HOOK3: variants seen among roughly 807,000 people sequenced by gnomAD.
HOOK3 encodes protein Hook homolog 3.
Under a neutral mutation model 116.3 loss-of-function variants are expected in HOOK3, and 24 were observed. That is an observed-to-expected ratio of 0.21 (90% CI 0.15 to 0.29). The LOEUF (loss-of-function observed/expected upper bound fraction) is 0.29. HOOK3 is among the 10% of genes least tolerant of loss of function. The probability of loss-of-function intolerance (pLI) is 1.00; values close to 1 mark genes in which losing one functional copy is unlikely to be tolerated. For missense variants in HOOK3, 632 were observed against 830.2 expected, an observed-to-expected ratio of 0.76 and a Z score of 2.93; for synonymous variants, 275 against 283.0, an observed-to-expected ratio of 0.97 and a Z score of 0.28.
intron 15 of HOOK3, 67 bp downstream of exon 15, chr8:42,986,862 TAAAC>T: frequency 6.6e-7 from 1 of 1,523,156 alleles, no homozygotes; most frequent in Non-Finnish European, 9.0e-7. Context: ...CTGAATCCCT[TAAAC>T]AAAGAACTGG....
chr8:42,992,399 C>CG (rs1809181711), intron 15 of HOOK3, among the ~76,000 whole-genome samples: 1 of 38,938 alleles, frequency 2.6e-5, no homozygotes, highest in African/African-American at 1.0e-4. Context: ...GACTCTGTCT[C>CG]AAAAAAAAAA....
At chr8:42,945,541 C>T (rs1025435690) in intron 5 of HOOK3, among the ~76,000 whole-genome samples, 1 of 152,160 alleles carries the variant, frequency 6.6e-6, no homozygotes, top group Non-Finnish European at 1.5e-5. Flanking sequence ...AAACTCCTGA[C>T]CTCAAGTGAT....
rs929104121 is a variant in HOOK3 at position 43,023,652 on chromosome 8, G to T, written c.*5154G>T. ...ATTTTTACAAAATACAAAGAGACGGGGTTTCACCATGTTGGCCAGGCTGGT... is the reference window on the plus strand; with the variant it reads ...ATTTTTACAAAATACAAAGAGACGGTGTTTCACCATGTTGGCCAGGCTGGT... On this transcript the variant is annotated 3_prime_UTR_variant, in exon 22 of 22. Coordinates refer to ENST00000307602, the MANE Select transcript of HOOK3 (RefSeq NM_032410.4). 5.7e-6 allele frequency: 1 copy of T among 175,204 alleles called. No homozygotes were observed. The highest frequency in any genetic ancestry group is 6.3e-5 in the Admixed American group (1 of 15,750). The allele number at this position is 175,204 out of a possible 1,614,324, so 10.9% of individuals were successfully genotyped here.
intron 6 of HOOK3, among the ~76,000 whole-genome samples, chr8:42,951,217 C>A (rs566546393): frequency 1.3e-5 from 2 of 152,080 alleles, no homozygotes; most frequent in South Asian, 4.1e-4. Context: ...CATGCCACCA[C>A]GCCTGGCTAG....
At chr8:42,897,814 A>C (rs1807061480) in intron 1 of HOOK3, among the ~76,000 whole-genome samples, 1 of 152,194 alleles carries the variant, frequency 6.6e-6, no homozygotes, top group Non-Finnish European at 1.5e-5. Flanking sequence ...TCATACTTTG[A>C]AGTAAATACA....
intron 2 of HOOK3, among the ~76,000 whole-genome samples, chr8:42,911,066 G>A (rs1027003489): frequency 4.6e-5 from 7 of 152,164 alleles, no homozygotes; most frequent in African/African-American, 1.4e-4. Flanking sequence ...GGAAAGGTGC[G>A]AGTGGTTACT....
In HOOK3 at chr8:43,027,628, C is replaced by T. The variant is rs769823020; in HGVS notation, c.*9130C>T. The T allele has an allele frequency of 2.7e-5, 6 of 225,814 alleles. No individual in the cohort carries two copies. Among genetic ancestry groups the T allele is most frequent in the African/African-American group, 4.5e-5 (2 of 44,226 alleles). The allele number at this position is 225,814 out of a possible 1,614,324, so 14.0% of individuals were successfully genotyped here. On this transcript the variant is annotated 3_prime_UTR_variant, in exon 22 of 22. Coordinates refer to ENST00000307602, the MANE Select transcript of HOOK3 (RefSeq NM_032410.4). ...AAAAGTGAAACATAACACATAAGGACGAAATACAATGTTCTGAATATCTTC... is the reference window on the plus strand; with the variant it reads ...AAAAGTGAAACATAACACATAAGGATGAAATACAATGTTCTGAATATCTTC...
At chr8:42,927,095 A>T (rs898035565) in intron 3 of HOOK3, among the ~76,000 whole-genome samples, 1 of 152,222 alleles carries the variant, frequency 6.6e-6, no homozygotes, top group Non-Finnish European at 1.5e-5. Flanking sequence ...CCTGAACTTA[A>T]GACATGTTCA....
intron 1 of HOOK3, among the ~76,000 whole-genome samples, chr8:42,899,738 G>A (rs902915869): frequency 4.3e-4 from 65 of 152,314 alleles, no homozygotes; most frequent in Non-Finnish European, 5.7e-4. Flanking sequence ...CAGTAAGCTA[G>A]AAGGTGACTG....
intron 15 of HOOK3, among the ~76,000 whole-genome samples, chr8:42,993,683 T>C (rs1281629434): frequency 3.9e-5 from 6 of 152,174 alleles, no homozygotes; most frequent in Non-Finnish European, 8.8e-5. Flanking sequence ...TCTCATTACT[T>C]GCTATTGGTC....
chr8:43,004,122 CT>C (rs1399234549), intron 17 of HOOK3, among the ~76,000 whole-genome samples: 1 of 152,074 alleles, frequency 6.6e-6, no homozygotes, highest in Non-Finnish European at 1.5e-5. Context: ...AATCCCAGCA[CT>C]TTGGGAGGCC....
chr8:42,950,310 A>G (rs143072284), intron 5 of HOOK3, 78 bp from the exon 6 acceptor site: 16,109 of 908,826 alleles, frequency 0.018, 230 homozygotes, highest in Non-Finnish European at 0.019. Flanking sequence ...ACTTATAAGA[A>G]TTTATGAAGT....
At chr8:42,964,546 GC>G in intron 9 of HOOK3, 72 bp downstream of exon 9, 1 of 1,406,568 alleles carries the variant, frequency 7.1e-7, no homozygotes, top group Non-Finnish European at 9.8e-7. Flanking sequence ...GAGTATATTG[GC>G]CAGGCACATT....
At chr8:42,944,644 C>G (rs911133657) in intron 5 of HOOK3, among the ~76,000 whole-genome samples, 1 of 151,820 alleles carries the variant, frequency 6.6e-6, no homozygotes, top group African/African-American at 2.4e-5. Context: ...GATGGTGAAA[C>G]CCCATCTCTA....
intron 1 of HOOK3, among the ~76,000 whole-genome samples, chr8:42,901,579 A>G (rs1204362905): frequency 6.6e-6 from 1 of 152,148 alleles, no homozygotes; most frequent in Non-Finnish European, 1.5e-5. Flanking sequence ...GTCTTGCAGC[A>G]GAGGTGGACA....
chr8:42,914,394 A>G (rs1412454070), intron 2 of HOOK3, among the ~76,000 whole-genome samples: 1 of 152,200 alleles, frequency 6.6e-6, no homozygotes, highest in African/African-American at 2.4e-5. Flanking sequence ...TCCCATGATT[A>G]TGCCCTATAC....
chr8:42,964,319 A>G lies in HOOK3; in HGVS notation c.624A>G (p.Ala208=). Residue 208 remains alanine (A), a synonymous_variant, in exon 9 of 22, where the codon GCA becomes GCG. Transcript: ENST00000307602. ...GTCCTATATTCCAACAGGTTGCAGC[A>G]TTGCAGGAAGAGAAAAGTAGTTTGT... is the stretch of plus-strand genomic sequence containing the variant. ...RCHELDMQVA[A]LQEEKSSLLA... 1.2e-6 allele frequency: 2 copies of G among 1,614,138 alleles called. No individual in the cohort carries two copies. Among genetic ancestry groups the G allele is most frequent in the South Asian group, 1.1e-5 (1 of 91,086 alleles).
At chr8:42,997,923 A>G (rs1483070957) in intron 16 of HOOK3, 3 of 302,500 alleles carry the variant, frequency 9.9e-6, no homozygotes, top group Non-Finnish European at 1.3e-5. Flanking sequence ...GTGTTCAAAG[A>G]TGAAGTGTAG....
chr8:43,028,613 T>C lies in HOOK3; in HGVS notation c.*10115T>C, dbSNP rs1809975091. The stretch of plus-strand genomic sequence containing the variant: ...ACTTCCTGCTCTTATTAACTTGTAT[T>C]ATGAATCAAATTAAGTTTTATGTAT... On this transcript the variant is annotated 3_prime_UTR_variant, in exon 22 of 22. Coordinates refer to ENST00000307602, the MANE Select transcript of HOOK3 (RefSeq NM_032410.4). 1 of 190,442 alleles carries C rather than the reference T, an allele frequency of 5.3e-6. No homozygotes were observed. Among genetic ancestry groups the C allele is most frequent in the Non-Finnish European group, 1.1e-5 (1 of 91,010 alleles). The allele number at this position is 190,442 out of a possible 1,614,324, so 11.8% of individuals were successfully genotyped here.
Sources: gnomAD v4.1 joint callset for allele counts (sites outside exome capture counted in the v4.1 genomes callset) on GRCh38, gnomAD v4.1.1 for gene constraint, MANE v1.5 for transcripts, NCBI Gene and HGNC (gene_info 2026-07-23, HGNC 2026-07-21) for gene names.